Variants in PARPBP observed in about 807,000 individuals in gnomAD.
PARPBP encodes the protein PARP1 binding protein.
PARPBP carries 52 observed loss-of-function variants against 50.0 expected under a neutral mutation model. The ratio of observed to expected loss-of-function variants is 1.04; its 90% CI spans 0.83 to 1.31. PARPBP has a LOEUF of 1.31. PARPBP is among the 50% of genes most tolerant of loss of function. The pLI is 0.00. For missense variants in PARPBP, 697 were observed against 672.0 expected (o/e 1.04, Z -0.41); for synonymous variants, 244 against 232.1 (o/e 1.05, Z -0.47).
chr12:102,175,638 T>C lies in PARPBP; in HGVS notation c.977T>C (p.Leu326Pro), dbSNP rs544161172. 12 of 1,613,280 alleles carry C rather than the reference T, an allele frequency of 7.4e-6. No individual in the cohort carries two copies. The highest frequency in any genetic ancestry group is 1.7e-5 in the Admixed American group (1 of 60,006). ...AATTCTCAAGAAGGTGTTGTAGCTCTTAGCACCACTGACATCAGTCCTGCT... is the reference window on the plus strand; with the variant it reads ...AATTCTCAAGAAGGTGTTGTAGCTCCTAGCACCACTGACATCAGTCCTGCT... ...IINSQEGVVA[L>P]STTDISPARP... The change falls in exon 7 of 11, where the codon CTT becomes CCT. Residue 326 changes from leucine (L) to proline (P), a missense_variant. Transcript: ENST00000327680.
chr12:102,145,526 A>G (rs1237423974), intron 2 of PARPBP, among the ~76,000 whole-genome samples: 1 of 152,202 alleles, frequency 6.6e-6, no homozygotes, highest in Non-Finnish European at 1.5e-5. Context: ...ATCAATAAAA[A>G]AAACCTTCAA....
intron 2 of PARPBP, among the ~76,000 whole-genome samples, chr12:102,134,700 C>T (rs1883362166): frequency 6.6e-6 from 1 of 152,092 alleles, no homozygotes; most frequent in Non-Finnish European, 1.5e-5. Context: ...TGCTGTGAGA[C>T]AGGCTCTCAC....
At position 102,196,852 on chromosome 12, in the gene PARPBP, A is replaced by C; in HGVS notation, c.*561A>C. On this transcript the variant is annotated 3_prime_UTR_variant, in exon 11 of 11. Coordinates refer to ENST00000327680, the MANE Select transcript of PARPBP (RefSeq NM_017915.5). ...TGCTATTTAATCCCACATTTTTGGC[A>C]GGTGTAATTGAGCCATGGTCTTATT... 1 of 1,054,960 alleles carries C rather than the reference A, an allele frequency of 9.5e-7. No individual in the cohort carries two copies. Among genetic ancestry groups the C allele is most frequent in the Non-Finnish European group, 1.4e-6 (1 of 706,330 alleles). The allele number at this position is 1,054,960 out of a possible 1,614,324, so 65.3% of individuals were successfully genotyped here. A position where few individuals can be genotyped will look rare whatever the true frequency, so the allele number is the denominator to read the frequency against.
chr12:102,185,127 C>A (rs1001382142), intron 9 of PARPBP, among the ~76,000 whole-genome samples: 2 of 152,042 alleles, frequency 1.3e-5, no homozygotes, highest in African/African-American at 4.8e-5. Context: ...GTTTATGAAA[C>A]CCTTTGGAAA....
chr12:102,178,849 AAC>A, intron 8 of PARPBP, 79 bp downstream of exon 8: 1 of 861,462 alleles, frequency 1.2e-6, no homozygotes, highest in Non-Finnish European at 1.7e-6. Flanking sequence ...TATGGTAGGA[AAC>A]TTAGAAACTA....
chr12:102,137,146 G>T (rs1883763888), intron 2 of PARPBP, among the ~76,000 whole-genome samples: 1 of 151,966 alleles, frequency 6.6e-6, no homozygotes, highest in East Asian at 1.9e-4. Flanking sequence ...GGAGAGACGG[G>T]GTTTCACCAT....
At chr12:102,162,122 T>C (rs1396345176) in intron 4 of PARPBP, among the ~76,000 whole-genome samples, 1 of 152,212 alleles carries the variant, frequency 6.6e-6, no homozygotes, top group Non-Finnish European at 1.5e-5. Flanking sequence ...GAATTTATTT[T>C]AAGGTGTATA....
chr12:102,136,259 C>G (rs1001624083), intron 2 of PARPBP, among the ~76,000 whole-genome samples: 2 of 152,114 alleles, frequency 1.3e-5, no homozygotes, highest in Admixed American at 1.3e-4. Context: ...AATAAATAGA[C>G]TAGCTAAGGG....
intron 4 of PARPBP, among the ~76,000 whole-genome samples, chr12:102,156,301 C>T (rs956104335): frequency 7.5e-5 from 11 of 146,354 alleles, no homozygotes; most frequent in Non-Finnish European, 1.2e-4. Flanking sequence ...ATTCTCCTTC[C>T]TCAGCCTCCC....
rs561180662 is a variant in PARPBP, at chr12:102,125,193, A to C, written c.153+1152A>C. Among the ~76,000 whole-genome samples the C allele has an allele frequency of 1.5e-3, 231 of 152,320 alleles. 2 individuals are homozygous for C. The highest frequency in any genetic ancestry group is 2.8e-3 in the Non-Finnish European group (191 of 68,020). ...GTTAGACATCATTGTAAAAATTGGGAATACAGTAATGAAAGAAGTCACTTC... is the reference window on the plus strand; with the variant it reads ...GTTAGACATCATTGTAAAAATTGGGCATACAGTAATGAAAGAAGTCACTTC... On this transcript the variant is annotated intron_variant, in intron 2 of 10. Coordinates refer to ENST00000327680, the MANE Select transcript of PARPBP (RefSeq NM_017915.5).
Position 102,135,151 on chromosome 12 carries a change from T to C in PARPBP, c.153+11110T>C, listed in dbSNP as rs149443341. 9.7e-4 allele frequency among the ~76,000 whole-genome samples: 147 copies of C among 152,242 alleles called. 1 individual carries two copies. The highest frequency in any genetic ancestry group is 3.5e-3 in the African/African-American group (146 of 41,534). On this transcript the variant is annotated intron_variant, in intron 2 of 10. Transcript: ENST00000327680. ...ACAGGAGAAAATCATACAAATTTAA[T>C]AGGAGTATTACATGGCACAGGAATA...
rs1891417378 is a variant in PARPBP at position 102,197,500 on chromosome 12, G to A, written c.*1209G>A. 1.9e-6 allele frequency: 3 copies of A among 1,575,166 alleles called. No individual in the cohort carries two copies. The highest frequency in any genetic ancestry group is 2.2e-5 in the East Asian group (1 of 44,516). ...CATTTAAATTTTCATTGAAATAAACGACAAGTCACATTGCCACTTACCTTT... is the reference window on the plus strand; with the variant it reads ...CATTTAAATTTTCATTGAAATAAACAACAAGTCACATTGCCACTTACCTTT... On this transcript the variant is annotated 3_prime_UTR_variant, in exon 11 of 11. Coordinates refer to ENST00000327680, the MANE Select transcript of PARPBP (RefSeq NM_017915.5).
intron 2 of PARPBP, among the ~76,000 whole-genome samples, chr12:102,135,555 A>AG (rs1883507488): frequency 6.6e-6 from 1 of 151,804 alleles, no homozygotes; most frequent in Non-Finnish European, 1.5e-5. Context: ...AAAAAAAAAA[A>AG]AAAAAATGAC....
intron 6 of PARPBP, among the ~76,000 whole-genome samples, chr12:102,166,279 CTGT>C (rs1888132210): frequency 6.6e-6 from 1 of 151,922 alleles, no homozygotes; most frequent in Non-Finnish European, 1.5e-5. Flanking sequence ...ATTCTATTTT[CTGT>C]TGTTTTTCAT....
chr12:102,136,204 G>A (rs1259131438), intron 2 of PARPBP, among the ~76,000 whole-genome samples: 3 of 152,210 alleles, frequency 2.0e-5, no homozygotes, highest in Non-Finnish European at 4.4e-5. Flanking sequence ...CTTTGGTAGT[G>A]TGAGGAAGTA....
rs1056240868 is a variant in PARPBP, at chr12:102,155,605, G to C, written c.495+1629G>C. Among the ~76,000 whole-genome samples, 14 of 110,924 alleles carry C rather than the reference G, an allele frequency of 1.3e-4. 1 individual carries two copies. The highest frequency in any genetic ancestry group is 3.9e-4 in the South Asian group (1 of 2,532). 72.8% of individuals were successfully genotyped at this position (110,924 alleles called of 152,430 possible). A position where few individuals can be genotyped will look rare whatever the true frequency, so the allele number is the denominator to read the frequency against. ...GCCTGAGAGCATGGTGGGGGGGGGGGGCGGGGACAATGATTGGAATATAAA... is the reference window on the plus strand; with the variant it reads ...GCCTGAGAGCATGGTGGGGGGGGGGCGCGGGGACAATGATTGGAATATAAA... On this transcript the variant is annotated intron_variant, in intron 4 of 10. Transcript: ENST00000327680.
At chr12:102,185,855 T>C (rs927517589) in intron 9 of PARPBP, among the ~76,000 whole-genome samples, 2 of 152,092 alleles carry the variant, frequency 1.3e-5, no homozygotes, top group Non-Finnish European at 2.9e-5. Flanking sequence ...GGTTTCACCA[T>C]GTTGGCCAGG....
rs1004395540 is a variant in PARPBP at position 102,159,075 on chromosome 12, C to T, written c.495+5099C>T. The stretch of plus-strand genomic sequence containing the variant: ...GGCAGCCATCTTCCTAACCATGCTT[C>T]TGTTACTTGCAGTTTCTAATTTTTC... On this transcript the variant is annotated intron_variant, in intron 4 of 10. Transcript: ENST00000327680. 3.7e-4 allele frequency among the ~76,000 whole-genome samples: 56 copies of T among 152,186 alleles called. 1 individual carries two copies. Among genetic ancestry groups the T allele is most frequent in the Non-Finnish European group, 8.8e-5 (6 of 68,034 alleles).
intron 2 of PARPBP, among the ~76,000 whole-genome samples, chr12:102,143,717 T>G (rs376057762): frequency 9.2e-5 from 14 of 152,384 alleles, no homozygotes; most frequent in African/African-American, 2.2e-4. Context: ...ATTTTGGCTT[T>G]CTTTCTTTGG....
Sources: gnomAD v4.1 joint callset for allele counts (sites outside exome capture counted in the v4.1 genomes callset) on GRCh38, gnomAD v4.1.1 for gene constraint, MANE v1.5 for transcripts, NCBI Gene and HGNC (gene_info 2026-07-23, HGNC 2026-07-21) for gene names.